Variants in NLRP1 observed in about 807,000 individuals in gnomAD.
NLRP1 encodes the protein NLR family pyrin domain containing 1, also known as NACHT, LRR and PYD domains-containing protein 1.
Under a neutral mutation model 136.7 loss-of-function variants are expected in NLRP1, and 94 were observed. That is an observed-to-expected ratio of 0.69 (90% CI 0.58 to 0.82). The LOEUF is 0.82. Among genes scored for constraint, NLRP1 ranks in the 40% least tolerant of loss-of-function variants. The pLI, the probability that NLRP1 is intolerant of heterozygous loss-of-function variation, is 0.00. For missense variants in NLRP1, 1,575 were observed against 1,802.7 expected (o/e 0.87, Z 2.29); for synonymous variants, 690 against 725.1 (o/e 0.95, Z 0.78).
intron 14 of NLRP1, 182 bp from the exon 15 acceptor site, chr17:5,518,069 A>G: frequency 1.7e-6 from 1 of 595,626 alleles, no homozygotes; most frequent in Non-Finnish European, 3.0e-6. Flanking sequence ...ATGAGGACAC[A>G]ACTGAGTACC....
intron 4 of NLRP1, among the ~76,000 whole-genome samples, chr17:5,556,997 G>A (rs960372418): frequency 2.6e-5 from 4 of 151,918 alleles, no homozygotes; most frequent in African/African-American, 7.3e-5. Context: ...GCTTATCTAC[G>A]TTATCTTTTG....
chr17:5,583,961 T>A lies in NLRP1; in HGVS notation c.-4A>T. The A allele has an allele frequency of 6.2e-7, 1 of 1,607,180 alleles. No homozygotes were observed. The highest frequency in any genetic ancestry group is 8.5e-7 in the Non-Finnish European group (1 of 1,176,382). On this transcript the variant is annotated 5_prime_UTR_variant, in exon 1 of 17. Coordinates refer to ENST00000572272, the MANE Select transcript of NLRP1 (RefSeq NM_033004.4). The surrounding 1 kb of genome is among the most constrained non-coding windows in gnomAD (Gnocchi z 4.5). Reference sequence around the variant, plus strand: ...GGCCCCAGGCTCCGCCAGCCATCTCTGTCCCGGAGTTAAGAGGGTGTCTGG... The same window carrying A: ...GGCCCCAGGCTCCGCCAGCCATCTCAGTCCCGGAGTTAAGAGGGTGTCTGG...
chr17:5,510,230 C>T (rs1369551903), downstream of NLRP1, among the ~76,000 whole-genome samples: 1 of 152,072 alleles, frequency 6.6e-6, no homozygotes, highest in Non-Finnish European at 1.5e-5. Context: ...GGATCTTGCT[C>T]TGTCTCCAGG....
intron 12 of NLRP1, among the ~76,000 whole-genome samples, 192 bp from the exon 13 acceptor site, chr17:5,521,978 C>G (rs1437262064): frequency 3.3e-5 from 5 of 152,228 alleles, no homozygotes; most frequent in African/African-American, 1.2e-4. Context: ...GCGCCTGCCA[C>G]CATGCCCAGC....
chr17:5,547,494 A>T (rs1912826541), intron 5 of NLRP1, among the ~76,000 whole-genome samples: 1 of 152,184 alleles, frequency 6.6e-6, no homozygotes. Context: ...TTCTTTATAT[A>T]TGGAAAATGG....
intron 12 of NLRP1, among the ~76,000 whole-genome samples, chr17:5,524,837 C>T (rs1486951910): frequency 6.6e-6 from 1 of 152,152 alleles, no homozygotes; most frequent in African/African-American, 2.4e-5. Context: ...AACTTACCTT[C>T]TTGCTAGGGT....
intron 3 of NLRP1, among the ~76,000 whole-genome samples, chr17:5,566,048 T>C (rs1046269437): frequency 6.6e-6 from 1 of 152,220 alleles, no homozygotes; most frequent in Non-Finnish European, 1.5e-5. Flanking sequence ...TTTCTGATTT[T>C]ATTTATTTAG....
At chr17:5,512,019 T>A (rs1294553772), downstream of NLRP1, 2 of 589,722 alleles carry the variant, frequency 3.4e-6, no homozygotes, top group Non-Finnish European at 6.2e-6. Context: ...AGGTGGTAAC[T>A]AATGACAGTA....
At chr17:5,558,059 G>A (rs936465240) in intron 4 of NLRP1, among the ~76,000 whole-genome samples, 4 of 152,062 alleles carry the variant, frequency 2.6e-5, no homozygotes, top group African/African-American at 9.7e-5. Flanking sequence ...GAGAGAAGAT[G>A]GACGGTCATT....
chr17:5,541,839 CCCA>C lies in NLRP1; in HGVS notation c.2699+15_2699+17del, dbSNP rs1481500861. 6.2e-7 allele frequency: 1 copy of C among 1,612,810 alleles called. No homozygotes were observed. The highest frequency in any genetic ancestry group is 8.5e-7 in the Non-Finnish European group (1 of 1,179,482). ...AGGCAGTTCCCTCCACCTCCCCCTG[CCCA>C]CCAAGAACAATTACTGCAGTCGCTG... On this transcript the variant is annotated intron_variant, in intron 6 of 16. Transcript: ENST00000572272. This position sits in a 1 kb window ranked among gnomAD's most constrained non-coding sequence, Gnocchi z 4.2.
downstream of NLRP1, among the ~76,000 whole-genome samples, chr17:5,510,266 G>T (rs1907557301): frequency 6.6e-6 from 1 of 151,952 alleles, no homozygotes; most frequent in Non-Finnish European, 1.5e-5. Context: ...CATGATTATG[G>T]CTCACTGGAG....
In NLRP1 at chr17:5,532,762, C is replaced by T. The variant is rs182437862; in HGVS notation, c.3296+60G>A. ...GGTGGCGCTGACTGTCTGTGGGGAC[C>T]CAGGATGGGCAGTGGGGTGCGGGAG... is the stretch of plus-strand genomic sequence containing the variant. On this transcript the variant is annotated intron_variant, in intron 11 of 16. Transcript: ENST00000572272. 3.9e-4 allele frequency: 571 copies of T among 1,465,616 alleles called. 2 individuals carry two copies. The highest frequency in any genetic ancestry group is 3.4e-5 in the Non-Finnish European group (37 of 1,095,400). 90.8% of individuals were successfully genotyped at this position (1,465,616 alleles called of 1,614,324 possible). A position where few individuals can be genotyped will look rare whatever the true frequency, so the allele number is the denominator to read the frequency against.
intron 4 of NLRP1, among the ~76,000 whole-genome samples, chr17:5,554,235 T>TTTGCAGCCTGAA (rs1307241072): frequency 6.6e-6 from 1 of 152,038 alleles, no homozygotes; most frequent in Non-Finnish European, 1.5e-5. Context: ...GGAGAGAATA[T>TTTGCAGCCTGAA]TTGCAGCCTG....
chr17:5,582,817 T>C lies in NLRP1; in HGVS notation c.301A>G (p.Ser101Gly). The C allele has an allele frequency of 6.2e-7, 1 of 1,613,070 alleles. No individual in the cohort carries two copies. Among genetic ancestry groups the C allele is most frequent in the Non-Finnish European group, 8.5e-7 (1 of 1,179,436 alleles). Residue 101 changes from serine to glycine, a missense_variant, in exon 2 of 17, where the codon AGT (serine) becomes GGT (glycine). Coordinates refer to ENST00000572272, the MANE Select transcript of NLRP1 (RefSeq NM_033004.4). ...GHSPSFPYSP[S>G]EPHLGSPSQP... ...CTGGGAGACCCCAGGTGGGGTTCACTTGGGCTGTAGGGGAATGAGGGAGAG... is the reference window on the plus strand; with the variant it reads ...CTGGGAGACCCCAGGTGGGGTTCACCTGGGCTGTAGGGGAATGAGGGAGAG...
intron 10 of NLRP1, 56 bp downstream of exon 10, chr17:5,533,248 G>A (rs1330748314): frequency 1.3e-6 from 2 of 1,551,346 alleles, no homozygotes; most frequent in Non-Finnish European, 1.7e-6. Context: ...CAGGTGGGCA[G>A]GTTGAGAGAG....
intron 11 of NLRP1, among the ~76,000 whole-genome samples, chr17:5,530,971 C>T (rs545461397): frequency 6.6e-6 from 1 of 152,282 alleles, no homozygotes; most frequent in South Asian, 2.1e-4. Context: ...GAATAAGTGA[C>T]TTAATGCATG....
chr17:5,556,813 G>T (rs992391360), intron 4 of NLRP1, among the ~76,000 whole-genome samples: 3 of 151,922 alleles, frequency 2.0e-5, no homozygotes, highest in Non-Finnish European at 4.4e-5. Flanking sequence ...TAGTAGAGAT[G>T]GGGTTTCACC....
intron 4 of NLRP1, among the ~76,000 whole-genome samples, chr17:5,556,163 T>C (rs12938876): frequency 2.8e-3 from 253 of 89,782 alleles, no homozygotes; most frequent in South Asian, 8.4e-3. Context: ...CACACACACA[T>C]GAAGGGCTGG....
intron 3 of NLRP1, among the ~76,000 whole-genome samples, chr17:5,562,490 G>A (rs1914872533): frequency 6.6e-6 from 1 of 152,090 alleles, no homozygotes; most frequent in South Asian, 2.1e-4. Context: ...ATGCAGGTGT[G>A]GAGCCAGTAA....
Sources: allele counts gnomAD v4.1 joint callset (sites outside exome capture counted in the v4.1 genomes callset), GRCh38; gene constraint gnomAD v4.1.1; non-coding constraint Gnocchi (gnomAD v3.1); transcripts MANE v1.5; gene names NCBI Gene and HGNC (gene_info 2026-07-23, HGNC 2026-07-21).